The following LRRIQ3 variants were observed in gnomAD, a reference collection of about 807,000 sequenced individuals.
LRRIQ3 encodes the protein leucine rich repeats and IQ motif containing 3.
In LRRIQ3, 75 loss-of-function variants were observed where a neutral mutation model predicts 59.3. The observed-to-expected ratio is 1.26, with a 90% CI of 1.05 to 1.53. The LOEUF (loss-of-function observed/expected upper bound fraction) is 1.53, where lower values mean the gene tolerates loss of function less well. Ranked by LOEUF, LRRIQ3 falls within the 40% of genes most tolerant of loss-of-function variation. The probability of loss-of-function intolerance (pLI) is 0.00; values close to 1 mark genes in which losing one functional copy is unlikely to be tolerated. For synonymous variants in LRRIQ3, 250 were observed against 231.3 expected (o/e 1.08, Z -0.73); for missense variants, 831 against 710.0 (o/e 1.17, Z -1.94).
At chr1:74,183,872 A>C (rs550084683) in intron 1 of LRRIQ3, among the ~76,000 whole-genome samples, 188 bp from the exon 2 acceptor site, 50 of 152,146 alleles carry the variant, frequency 3.3e-4, no homozygotes, top group African/African-American at 1.1e-3. Flanking sequence ...AATAACAGCC[A>C]ATCAGAATGT....
At chr1:74,165,076 C>G (rs1051229179) in intron 3 of LRRIQ3, among the ~76,000 whole-genome samples, 1 of 151,410 alleles carries the variant, frequency 6.6e-6, no homozygotes, top group Non-Finnish European at 1.5e-5. Context: ...CTACACGTGT[C>G]TAAAAATAAG....
intron 7 of LRRIQ3, among the ~76,000 whole-genome samples, chr1:74,040,141 C>G (rs1269739702): frequency 6.6e-6 from 1 of 152,122 alleles, no homozygotes; most frequent in Non-Finnish European, 1.5e-5. Context: ...GGGTTGCAAT[C>G]CTAGTCTCTG....
intron 5 of LRRIQ3, among the ~76,000 whole-genome samples, chr1:74,077,440 G>GA (rs557908712): frequency 2.9e-4 from 43 of 150,658 alleles, no homozygotes; most frequent in Non-Finnish European, 5.2e-4. Context: ...AGATTCCCCT[G>GA]AAAAAAACAA....
At chr1:74,165,807 A>AT (rs1032131105) in intron 3 of LRRIQ3, among the ~76,000 whole-genome samples, 5 of 151,352 alleles carry the variant, frequency 3.3e-5, no homozygotes, top group African/African-American at 9.7e-5. Context: ...AATTTGTCAA[A>AT]TTTTTTTCTG....
intron 6 of LRRIQ3, among the ~76,000 whole-genome samples, chr1:74,051,296 A>G (rs1382271311): frequency 1.3e-5 from 2 of 152,164 alleles, no homozygotes; most frequent in Non-Finnish European, 2.9e-5. Context: ...TACCGTTCAC[A>G]CTAATGTACA....
intron 3 of LRRIQ3, chr1:74,180,523 T>C (rs1649912315): frequency 2.0e-6 from 1 of 495,134 alleles, no homozygotes; most frequent in African/African-American, 2.0e-5. Flanking sequence ...CAAAAGTCTT[T>C]AAGTGCTGCC....
chr1:74,159,021 GTC>G, intron 3 of LRRIQ3, among the ~76,000 whole-genome samples: 1 of 152,100 alleles, frequency 6.6e-6, no homozygotes. Flanking sequence ...GGGTAAAACA[GTC>G]TGTGCTCTAA....
chr1:74,182,063 C>G (rs908031490), intron 3 of LRRIQ3: 1 of 151,658 alleles, frequency 6.6e-6, no homozygotes, highest in Admixed American at 6.6e-5. Flanking sequence ...AGTCTGTATC[C>G]GTTAACTTGG....
At chr1:74,183,815 T>C (rs955016667) in intron 1 of LRRIQ3, 131 bp from the exon 2 acceptor site, 4 of 706,118 alleles carry the variant, frequency 5.7e-6, no homozygotes. Context: ...AAAAACTCAT[T>C]CTTATAGAAC....
At chr1:74,027,355 G>A (rs1653547607) in intron 7 of LRRIQ3, among the ~76,000 whole-genome samples, 1 of 152,064 alleles carries the variant, frequency 6.6e-6, no homozygotes, top group African/African-American at 2.4e-5. Flanking sequence ...GTCTTTGAAT[G>A]TGACTATTTG....
At chr1:74,144,714 T>A (rs1570202110) in intron 4 of LRRIQ3, among the ~76,000 whole-genome samples, 2 of 151,970 alleles carry the variant, frequency 1.3e-5, no homozygotes, top group South Asian at 4.1e-4. Context: ...TTCTTTTTTT[T>A]CTAACAATCC....
At chr1:74,068,650 A>C (rs920518343) in intron 6 of LRRIQ3, among the ~76,000 whole-genome samples, 2 of 152,086 alleles carry the variant, frequency 1.3e-5, no homozygotes, top group African/African-American at 4.8e-5. Context: ...TAGATACAAA[A>C]ACAAAATACA....
At chr1:74,191,526 C>T (rs2100743043) in intron 1 of LRRIQ3, among the ~76,000 whole-genome samples, 1 of 152,140 alleles carries the variant, frequency 6.6e-6, no homozygotes, top group South Asian at 2.1e-4. Context: ...CTCACCAAGA[C>T]AGACCACATT....
Position 74,154,687 on chromosome 1 carries a change from C to A in LRRIQ3, c.707+1046G>T, listed in dbSNP as rs1648214889. 4.6e-5 allele frequency among the ~76,000 whole-genome samples: 7 copies of A among 152,142 alleles called. No homozygotes were observed. In the South Asian group the frequency reaches 1.4e-3, roughly 31 times the overall value. ...AGATCTGTATTTAATATAAAAAGCA[C>A]ATTAAATTCCAATGCAAAATAAAGA... On this transcript the variant is annotated intron_variant, in intron 4 of 7. Transcript: ENST00000354431.
chr1:74,055,910 C>T (rs1026523073), intron 6 of LRRIQ3, among the ~76,000 whole-genome samples: 6 of 151,870 alleles, frequency 4.0e-5, no homozygotes, highest in African/African-American at 7.3e-5. Context: ...TTTGGGAGGC[C>T]GAGGTGGGCA....
At chr1:74,168,678 T>G (rs2100694718) in intron 3 of LRRIQ3, among the ~76,000 whole-genome samples, 1 of 152,188 alleles carries the variant, frequency 6.6e-6, no homozygotes, top group South Asian at 2.1e-4. Context: ...TGTTTTCTTC[T>G]CTTGATTTCC....
At chr1:74,128,615 T>C (rs1444858200) in intron 4 of LRRIQ3, among the ~76,000 whole-genome samples, 1 of 152,052 alleles carries the variant, frequency 6.6e-6, no homozygotes, top group Admixed American at 6.6e-5. Flanking sequence ...ATTTAGGTTG[T>C]TTGGTGAGGT....
intron 6 of LRRIQ3, among the ~76,000 whole-genome samples, chr1:74,067,158 C>T (rs536896044): frequency 8.0e-4 from 122 of 152,244 alleles, no homozygotes; most frequent in Non-Finnish European, 1.3e-3. Context: ...AGAATCTCTA[C>T]GTGTGCAGTA....
At chr1:74,102,249 T>A (rs1557615637) in intron 5 of LRRIQ3, among the ~76,000 whole-genome samples, 2 of 151,998 alleles carry the variant, frequency 1.3e-5, no homozygotes, top group African/African-American at 4.8e-5. Flanking sequence ...TTATCTTCAC[T>A]GAGTGGTAAA....
Sources: allele counts gnomAD v4.1 joint callset (sites outside exome capture counted in the v4.1 genomes callset), GRCh38; gene constraint gnomAD v4.1.1; transcripts MANE v1.5; gene names NCBI Gene and HGNC (gene_info 2026-07-23, HGNC 2026-07-21).